The following DNM1 variants were observed in gnomAD, a reference collection of about 807,000 sequenced individuals.
DNM1 encodes dynamin-1.
A neutral mutation model predicts 104.6 loss-of-function variants in DNM1; 29 were observed. That is an observed-to-expected ratio of 0.28 (90% CI 0.21 to 0.38). The LOEUF (loss-of-function observed/expected upper bound fraction) is 0.38. Ranked by LOEUF, DNM1 falls within the 10% of genes least tolerant of loss-of-function variation. DNM1 has a pLI of 1.00. For synonymous variants in DNM1, 445 were observed against 475.8 expected (o/e 0.94, Z 0.84); for missense variants, 640 against 1,189.4 (o/e 0.54, Z 6.79).
At chr9:128,229,823 G>T (rs557151199) in intron 10 of DNM1, among the ~76,000 whole-genome samples, 3 of 151,992 alleles carry the variant, frequency 2.0e-5, no homozygotes, top group Admixed American at 2.0e-4. Flanking sequence ...TGAGGCAGGA[G>T]AATCACTTGA....
At position 128,253,211 on chromosome 9, in the gene DNM1, C is replaced by T. The variant is rs1480825426; in HGVS notation, c.2535-1443C>T. On this transcript the variant is annotated intron_variant, in intron 21 of 21. Coordinates refer to ENST00000372923, the MANE Select transcript of DNM1 (RefSeq NM_004408.4). This position sits in a 1 kb window ranked among gnomAD's most constrained non-coding sequence, Gnocchi z 5.9. The stretch of plus-strand genomic sequence containing the variant: ...CTGCACTAGCTCCACACGGGGCGCG[C>T]ACCTGGGACCTCAGAGCCAGGCTCC... 5.6e-6 allele frequency: 8 copies of T among 1,439,752 alleles called. No homozygotes were observed. The highest frequency in any genetic ancestry group is 2.3e-5 in the East Asian group (1 of 43,504). The allele number at this position is 1,439,752 out of a possible 1,614,324, so 89.2% of individuals were successfully genotyped here.
At chr9:128,228,569 A>G (rs1458558950) in intron 10 of DNM1, among the ~76,000 whole-genome samples, 1 of 152,216 alleles carries the variant, frequency 6.6e-6, no homozygotes, top group East Asian at 1.9e-4. Context: ...CATGGTTTTT[A>G]AATGTTTATA....
intron 10 of DNM1, among the ~76,000 whole-genome samples, chr9:128,225,159 A>G (rs1270074750): frequency 2.0e-5 from 3 of 152,136 alleles, no homozygotes; most frequent in African/African-American, 7.2e-5. Context: ...ACTTGAAGCC[A>G]CGGCTCTGGA....
intron 10 of DNM1, among the ~76,000 whole-genome samples, chr9:128,227,110 G>A (rs1412101573): frequency 6.7e-6 from 1 of 150,288 alleles, no homozygotes; most frequent in East Asian, 2.0e-4. Context: ...TGCCTCCTGG[G>A]TTCAAGTATT....
chr9:128,221,893 C>T (rs865962829), intron 6 of DNM1, among the ~76,000 whole-genome samples: 9 of 151,576 alleles, frequency 5.9e-5, no homozygotes, highest in Admixed American at 1.3e-4. Flanking sequence ...AGTGAAACTC[C>T]GTCTCAAAAA....
At chr9:128,250,446 A>C in intron 20 of DNM1, 90 bp downstream of exon 20, 1 of 1,363,838 alleles carries the variant, frequency 7.3e-7, no homozygotes, top group Non-Finnish European at 9.7e-7. Context: ...CGCCCGCGTC[A>C]CCGGGGTGGC....
At position 128,252,529 on chromosome 9, in the gene DNM1, ACAG is replaced by A. The variant is rs138232261; in HGVS notation, c.2534+1591_2534+1593del. On this transcript the variant is annotated intron_variant, in intron 21 of 21. Transcript: ENST00000372923. ...AGGTGTAGTGTGGGCTGCAACGAGGACAGCCACTGGACAAAGCAGAGAACAGAG... is the reference window on the plus strand; with the variant it reads ...AGGTGTAGTGTGGGCTGCAACGAGGACCACTGGACAAAGCAGAGAACAGAG... The A allele has an allele frequency of 3.6e-3, 1,418 of 390,820 alleles. 27 individuals carry two copies. The highest frequency in any genetic ancestry group is 0.028 in the African/African-American group (1,334 of 48,030). 24.2% of individuals were successfully genotyped at this position (390,820 alleles called of 1,614,324 possible).
Position 128,248,845 on chromosome 9 carries a change from A to G in DNM1, c.2076+92A>G, listed in dbSNP as rs553611277. On this transcript the variant is annotated intron_variant, in intron 19 of 21. Coordinates refer to ENST00000372923, the MANE Select transcript of DNM1 (RefSeq NM_004408.4). The surrounding 1 kb of genome is among the most constrained non-coding windows in gnomAD (Gnocchi z 5.6). ...CCTGGGGGAGATGCCAACCAGCCCT[A>G]TGGGACCAGGTCCAGGGAGGGAGGC... The G allele has an allele frequency of 1.5e-5, 22 of 1,421,174 alleles. No individual in the cohort carries two copies. Among genetic ancestry groups the G allele is most frequent in the Non-Finnish European group, 2.0e-5 (20 of 1,021,304 alleles). 88.0% of individuals were successfully genotyped at this position (1,421,174 alleles called of 1,614,324 possible).
At position 128,241,458 on chromosome 9, in the gene DNM1, G is replaced by A. The variant is rs1836358820; in HGVS notation, c.1558-774G>A. Reference sequence around the variant, plus strand: ...TTGTGGCTCAGCCCTTGCCCCTGGGGACCTGGAGCCAAAGACCCTTAGAAC... The same window carrying A: ...TTGTGGCTCAGCCCTTGCCCCTGGGAACCTGGAGCCAAAGACCCTTAGAAC... On this transcript the variant is annotated intron_variant, in intron 14 of 21. Coordinates refer to ENST00000372923, the MANE Select transcript of DNM1 (RefSeq NM_004408.4). Among the ~76,000 whole-genome samples the A allele has an allele frequency of 2.0e-5, 3 of 152,244 alleles. No homozygotes were observed. In the South Asian group the frequency reaches 6.2e-4, roughly 32 times the overall value.
chr9:128,244,153 G>C (rs1041636570), intron 15 of DNM1, among the ~76,000 whole-genome samples: 11 of 151,404 alleles, frequency 7.3e-5, no homozygotes, highest in African/African-American at 2.4e-4. Flanking sequence ...GGGGGCTCTA[G>C]GAGGGAGGGT....
At chr9:128,250,689 C>T in intron 20 of DNM1, 36 bp from the exon 21 acceptor site, 3 of 1,439,846 alleles carry the variant, frequency 2.1e-6, no homozygotes, top group South Asian at 1.4e-5. Context: ...CTGCTCATCT[C>T]GCCTCTCCTT....
Position 128,253,139 on chromosome 9 carries a change from T to G in DNM1, c.2535-1515T>G. On this transcript the variant is annotated intron_variant, in intron 21 of 21. Transcript: ENST00000372923. The surrounding 1 kb of genome is among the most constrained non-coding windows in gnomAD (Gnocchi z 5.9). Reference sequence around the variant, plus strand: ...GACCCCTGAGGAGCGTCAGCCATGGTAGGTACATGCCTCACCGCCTGCTGC... The same window carrying G: ...GACCCCTGAGGAGCGTCAGCCATGGGAGGTACATGCCTCACCGCCTGCTGC... 1 of 1,605,448 alleles carries G rather than the reference T, an allele frequency of 6.2e-7. No individual in the cohort carries two copies.
chr9:128,218,653 G>C lies in DNM1; in HGVS notation c.307G>C (p.Ala103Pro). The C allele has an allele frequency of 6.2e-7, 1 of 1,613,504 alleles. No homozygotes were observed. The highest frequency in any genetic ancestry group is 8.5e-7 in the Non-Finnish European group (1 of 1,179,692). Residue 103 changes from alanine (A) to proline (P), a missense_variant, in exon 3 of 22, where the codon GCC (alanine) becomes CCC (proline). By Grantham distance (27) the Ala-to-Pro change is conservative. This residue lies in a region of DNM1 where 172 missense variants were observed against 335.3 expected (regional missense o/e 0.51). Transcript: ENST00000372923. This position sits in a 1 kb window ranked among gnomAD's most constrained non-coding sequence, Gnocchi z 4.8. ...CGAGGAGGTGCGCCTTGAGATCGAG[G>C]CCGAGACCGACAGGGTCACCGGCAC... Reference protein sequence around the residue: ...DFEEVRLEIEAETDRVTGTNK... With the variant: ...DFEEVRLEIEPETDRVTGTNK...
rs535811998 is a variant in DNM1 at position 128,243,864 on chromosome 9, C to T, written c.1671+1519C>T. 2.0e-5 allele frequency among the ~76,000 whole-genome samples: 3 copies of T among 151,932 alleles called. No homozygotes were observed. Among genetic ancestry groups the T allele is most frequent in the South Asian group, 4.1e-4 (2 of 4,828 alleles). On this transcript the variant is annotated intron_variant, in intron 15 of 21. Transcript: ENST00000372923. This position sits in a 1 kb window ranked among gnomAD's most constrained non-coding sequence, Gnocchi z 4.0. ...GTGTACATCTGAGTTAAGTCGTGTG[C>T]GAAAACAGCTCTGAGAATCATATGT...
chr9:128,212,827 A>T (rs1834380565), intron 1 of DNM1, among the ~76,000 whole-genome samples: 1 of 152,228 alleles, frequency 6.6e-6, no homozygotes, highest in Non-Finnish European at 1.5e-5. Context: ...CAATTCAATG[A>T]TCTTTGGTAT....
intron 21 of DNM1, chr9:128,252,447 G>A (rs2131305130): frequency 2.5e-6 from 1 of 401,804 alleles, no homozygotes; most frequent in East Asian, 7.0e-5. Flanking sequence ...GGCTGAGATA[G>A]GCTTACGTGG....
chr9:128,253,158 C>G lies in DNM1; in HGVS notation c.2535-1496C>G, dbSNP rs1829634309. 1.9e-6 allele frequency: 3 copies of G among 1,600,936 alleles called. No homozygotes were observed. Among genetic ancestry groups the G allele is most frequent in the Non-Finnish European group, 1.7e-6 (2 of 1,179,198 alleles). On this transcript the variant is annotated intron_variant, in intron 21 of 21. Transcript: ENST00000372923. This position sits in a 1 kb window ranked among gnomAD's most constrained non-coding sequence, Gnocchi z 5.9. Reference sequence around the variant, plus strand: ...CCATGGTAGGTACATGCCTCACCGCCTGCTGCATGAACGGTGTGTCTGCCC... The same window carrying G: ...CCATGGTAGGTACATGCCTCACCGCGTGCTGCATGAACGGTGTGTCTGCCC...
At chr9:128,223,226 G>T in intron 9 of DNM1, 1 of 258,118 alleles carries the variant, frequency 3.9e-6, no homozygotes, top group East Asian at 9.8e-5. Context: ...CTAAGTATGA[G>T]GCTGTGTCCT....
At chr9:128,241,485 G>T (rs746331966) in intron 14 of DNM1, among the ~76,000 whole-genome samples, 1 of 152,158 alleles carries the variant, frequency 6.6e-6, no homozygotes, top group East Asian at 1.9e-4. Context: ...CCTTAGAACC[G>T]TACTATCATA....
Sources: gnomAD v4.1 joint callset for allele counts (sites outside exome capture counted in the v4.1 genomes callset) on GRCh38, gnomAD v4.1.1 for gene constraint, gnomAD v4.1.1 regional missense constraint, Gnocchi (gnomAD v3.1) non-coding constraint, MANE v1.5 for transcripts, NCBI Gene and HGNC (gene_info 2026-07-23, HGNC 2026-07-21) for gene names.